JMJD1C: variants seen among roughly 807,000 people sequenced by gnomAD.
JMJD1C encodes jumonji domain containing 1C.
In JMJD1C, 31 loss-of-function variants were observed where a neutral mutation model predicts 245.3. The observed-to-expected ratio is 0.13, with a 90% CI of 0.09 to 0.17. The LOEUF is 0.17. Ranked by LOEUF, JMJD1C falls within the 10% of genes least tolerant of loss-of-function variation. The pLI is 1.00. For missense variants in JMJD1C, 2,691 were observed against 3,000.2 expected, an observed-to-expected ratio of 0.90 and a Z score of 2.41; for synonymous variants, 1,057 against 1,017.4, an observed-to-expected ratio of 1.04 and a Z score of -0.74.
At chr10:63,174,842 CAAAAA>C (rs1319377044) in intron 24 of JMJD1C, among the ~76,000 whole-genome samples, 1 of 147,646 alleles carries the variant, frequency 6.8e-6, no homozygotes, top group East Asian at 2.0e-4. Context: ...CTCAAAAAAA[CAAAAA>C]ACAAAAAACA....
chr10:63,221,032 A>G (rs1291740402), intron 3 of JMJD1C, among the ~76,000 whole-genome samples: 1 of 151,224 alleles, frequency 6.6e-6, no homozygotes, highest in African/African-American at 2.4e-5. Flanking sequence ...AATGGTGTGA[A>G]CCGGAAGGTG....
chr10:63,492,202 T>G (rs575242963), intron 1 of JMJD1C, among the ~76,000 whole-genome samples: 2 of 152,234 alleles, frequency 1.3e-5, no homozygotes, highest in East Asian at 3.9e-4. Context: ...CCTGGATAAT[T>G]TTTTGTATTT....
In JMJD1C at chr10:63,319,569, TAA is replaced by T. The variant is rs1414884789; in HGVS notation, c.334-54807_334-54806del. ...TCCCTTTAAGTATTTATTCTCCACT[TAA>T]AAAAAATTATCTCCCTTCTTAGATT... is the stretch of plus-strand genomic sequence containing the variant. On this transcript the variant is annotated intron_variant, in intron 2 of 25. Transcript: ENST00000399262. Among the ~76,000 whole-genome samples the T allele has an allele frequency of 4.6e-5, 7 of 152,084 alleles. No individual in the cohort carries two copies. In the South Asian group the frequency reaches 8.3e-4, roughly 18 times the overall value.
intron 14 of JMJD1C, 162 bp from the exon 15 acceptor site, chr10:63,193,634 T>C: frequency 2.0e-6 from 1 of 497,862 alleles, no homozygotes. Context: ...TCTATTACAG[T>C]TTTGATTATT....
intron 2 of JMJD1C, among the ~76,000 whole-genome samples, chr10:63,295,957 ATATGTG>A (rs1428676756): frequency 3.2e-4 from 30 of 94,550 alleles, no homozygotes; most frequent in African/African-American, 1.1e-3. Flanking sequence ...ATATACACGT[ATATGTG>A]TGTGTGTGTG....
intron 2 of JMJD1C, among the ~76,000 whole-genome samples, chr10:63,288,246 T>C (rs1391134288): frequency 1.3e-5 from 2 of 152,220 alleles, no homozygotes; most frequent in African/African-American, 2.4e-5. Flanking sequence ...TGGAATCATA[T>C]ACTATGTAGC....
intron 2 of JMJD1C, among the ~76,000 whole-genome samples, chr10:63,274,702 A>C (rs1168432616): frequency 1.3e-5 from 2 of 152,218 alleles, no homozygotes; most frequent in African/African-American, 4.8e-5. Context: ...ATGGACCTTA[A>C]GACTTTTTTA....
intron 18 of JMJD1C, among the ~76,000 whole-genome samples, chr10:63,188,516 A>T (rs1338350739): frequency 6.6e-6 from 1 of 152,236 alleles, no homozygotes; most frequent in Non-Finnish European, 1.5e-5. Flanking sequence ...GATGCTCAAT[A>T]ACTGTTGAAT....
intron 3 of JMJD1C, among the ~76,000 whole-genome samples, chr10:63,240,953 T>C (rs1398946614): frequency 6.6e-6 from 1 of 152,158 alleles, no homozygotes; most frequent in African/African-American, 2.4e-5. Context: ...GTAACCTTAG[T>C]ATTGTTATTC....
chr10:63,449,513 T>C (rs536012764), intron 1 of JMJD1C, among the ~76,000 whole-genome samples: 2 of 152,212 alleles, frequency 1.3e-5, no homozygotes, highest in Admixed American at 6.5e-5. Context: ...GCTAAAAATA[T>C]ATACTGGGAA....
intron 1 of JMJD1C, among the ~76,000 whole-genome samples, chr10:63,496,729 C>T (rs1337227948): frequency 6.6e-6 from 1 of 152,176 alleles, no homozygotes; most frequent in Admixed American, 6.5e-5. Flanking sequence ...ATTTTCAGTG[C>T]CTACCTATAG....
chr10:63,387,629 A>AATTT (rs1554915199), intron 1 of JMJD1C, among the ~76,000 whole-genome samples: 4,281 of 37,832 alleles, frequency 0.11, 933 homozygotes, highest in Non-Finnish European at 0.14. Context: ...GAAAAAAAAA[A>AATTT]TTTTTTTTTT....
intron 2 of JMJD1C, among the ~76,000 whole-genome samples, chr10:63,277,825 C>T (rs896183065): frequency 4.4e-5 from 6 of 135,914 alleles, no homozygotes; most frequent in African/African-American, 1.7e-4. Flanking sequence ...GAAACCTCTG[C>T]CTCTTGGTTC....
chr10:63,511,879 GA>G (rs1204312975), intron 1 of JMJD1C, among the ~76,000 whole-genome samples: 1 of 152,136 alleles, frequency 6.6e-6, no homozygotes, highest in Non-Finnish European at 1.5e-5. Context: ...CATGTATACT[GA>G]GGAATAACTG....
chr10:63,278,883 T>C (rs1857101776), intron 2 of JMJD1C, among the ~76,000 whole-genome samples: 1 of 151,490 alleles, frequency 6.6e-6, no homozygotes, highest in Non-Finnish European at 1.5e-5. Flanking sequence ...ACCTGTGATA[T>C]GTTATTCATT....
chr10:63,189,459 A>G lies in JMJD1C; in HGVS notation c.6292-13T>C, dbSNP rs749794192. 1 of 1,574,404 alleles carries G rather than the reference A, an allele frequency of 6.4e-7. No individual in the cohort carries two copies. The highest frequency in any genetic ancestry group is 1.2e-5 in the South Asian group (1 of 84,598). ...CACTTTTGCTACTCTATTAAGGAAA[A>G]AACAAAACAAAAAAAACCTGTTTTT... On this transcript the variant is annotated splice_polypyrimidine_tract_variant and intron_variant, in intron 17 of 25. Transcript: ENST00000399262.
chr10:63,411,610 T>C (rs2132665294), intron 1 of JMJD1C, among the ~76,000 whole-genome samples: 1 of 149,848 alleles, frequency 6.7e-6, no homozygotes, highest in South Asian at 2.1e-4. Flanking sequence ...GATTTTTTTT[T>C]TTTTTTTTTT....
chr10:63,176,378 A>T lies in JMJD1C; in HGVS notation c.7320T>A (p.Leu2440=). 6.2e-7 allele frequency: 1 copy of T among 1,614,090 alleles called. No homozygotes were observed. The highest frequency in any genetic ancestry group is 2.2e-5 in the East Asian group (1 of 44,866). ...YVNKKLRQRL[L]EEYGVRTCTL... Reference sequence around the variant, plus strand: ...TACAGGTTCTGACTCCATATTCTTCAAGCAGCCTTTGACGGAGCTTTTTGT... The same window carrying T: ...TACAGGTTCTGACTCCATATTCTTCTAGCAGCCTTTGACGGAGCTTTTTGT... Residue 2440 remains leucine (L), a synonymous_variant, in exon 24 of 26, where the codon CTT becomes CTA. Coordinates refer to ENST00000399262, the MANE Select transcript of JMJD1C (RefSeq NM_032776.3).
At chr10:63,383,260 G>T (rs939674710) in intron 1 of JMJD1C, among the ~76,000 whole-genome samples, 4 of 149,790 alleles carry the variant, frequency 2.7e-5, no homozygotes, top group African/African-American at 9.8e-5. Flanking sequence ...ATCCACTAAA[G>T]ATATTCATTA....
Sources: allele counts gnomAD v4.1 joint callset (sites outside exome capture counted in the v4.1 genomes callset), GRCh38; gene constraint gnomAD v4.1.1; transcripts MANE v1.5; gene names NCBI Gene and HGNC (gene_info 2026-07-23, HGNC 2026-07-21).